Variants in GPR137B observed in about 807,000 individuals in gnomAD.
GPR137B encodes the protein integral membrane protein GPR137B.
A neutral mutation model predicts 42.5 loss-of-function variants in GPR137B; 42 were observed. The observed-to-expected ratio is 0.99, with a 90% CI of 0.77 to 1.28. GPR137B has a LOEUF of 1.28. GPR137B is among the 50% of genes most tolerant of loss of function. GPR137B has a pLI of 0.00. For synonymous variants in GPR137B, 218 were observed against 209.7 expected (o/e 1.04, Z -0.34); for missense variants, 487 against 493.9 (o/e 0.99, Z 0.13).
At position 236,156,995 on chromosome 1, in the gene GPR137B, G is replaced by T. The variant is rs546458953; in HGVS notation, c.415-11711G>T. On this transcript the variant is annotated intron_variant, in intron 1 of 6. Transcript: ENST00000366592. The surrounding 1 kb of genome is among the most constrained non-coding windows in gnomAD (Gnocchi z 4.8). Reference sequence around the variant, plus strand: ...AGGACTAATAATACCAACAGCAGGGGTTGCAGCCACCCACGTGGTACTTAC... The same window carrying T: ...AGGACTAATAATACCAACAGCAGGGTTTGCAGCCACCCACGTGGTACTTAC... Among the ~76,000 whole-genome samples, 1 of 152,296 alleles carries T rather than the reference G, an allele frequency of 6.6e-6. No homozygotes were observed. Among genetic ancestry groups the T allele is most frequent in the East Asian group, 1.9e-4 (1 of 5,190 alleles).
intron 1 of GPR137B, among the ~76,000 whole-genome samples, chr1:236,152,298 C>T (rs1453777272): frequency 6.6e-6 from 1 of 151,592 alleles, no homozygotes; most frequent in African/African-American, 2.4e-5. Flanking sequence ...CTCATCTGTA[C>T]AAAAAATTAA....
At position 236,178,502 on chromosome 1, in the gene GPR137B, T is replaced by TGGGAGA; in HGVS notation, c.556_561dup (p.Glu186_Arg187dup). ...TGCTGTGCTGGTAAAGACGGGAAAT[T>TGGGAGA]GGGAGAGGAAGGTTATCGTCTCTGT... On this transcript the variant is annotated inframe_insertion, in exon 3 of 7. Coordinates refer to ENST00000366592, the MANE Select transcript of GPR137B (RefSeq NM_003272.4). 6.2e-7 allele frequency: 1 copy of TGGGAGA among 1,613,724 alleles called. No individual in the cohort carries two copies.
Position 236,161,774 on chromosome 1 carries a change from G to A in GPR137B, c.415-6932G>A, listed in dbSNP as rs115086878. 2.0e-3 allele frequency among the ~76,000 whole-genome samples: 305 copies of A among 152,042 alleles called. 2 individuals are homozygous for A. The highest frequency in any genetic ancestry group is 7.0e-3 in the African/African-American group (290 of 41,466). ...TCCTCATTTTTTTTCTCTTGCCGCCGCCATGTAAGAAATGCCTTTTGCCTC... is the reference window on the plus strand; with the variant it reads ...TCCTCATTTTTTTTCTCTTGCCGCCACCATGTAAGAAATGCCTTTTGCCTC... On this transcript the variant is annotated intron_variant, in intron 1 of 6. Transcript: ENST00000366592.
Position 236,208,783 on chromosome 1 carries a change from TAA to T in GPR137B, c.*626_*627del, listed in dbSNP as rs1186406391. 1 of 985,196 alleles carries T rather than the reference TAA, an allele frequency of 1.0e-6. No individual in the cohort carries two copies. The highest frequency in any genetic ancestry group is 1.7e-5 in the African/African-American group (1 of 57,214). The allele number at this position is 985,196 out of a possible 1,614,324, so 61.0% of individuals were successfully genotyped here. A position where few individuals can be genotyped will look rare whatever the true frequency, so the allele number is the denominator to read the frequency against. ...GCCGTAGGTTCCTCAAGGAATCTCT[TAA>T]GTTTTGCCCAAAGACTGGTACTTCC... On this transcript the variant is annotated 3_prime_UTR_variant, in exon 7 of 7. Coordinates refer to ENST00000366592, the MANE Select transcript of GPR137B (RefSeq NM_003272.4).
chr1:236,166,182 C>A (rs1288331589), intron 1 of GPR137B, among the ~76,000 whole-genome samples: 3 of 152,164 alleles, frequency 2.0e-5, no homozygotes, highest in Non-Finnish European at 4.4e-5. Context: ...TCCCTCAGGA[C>A]TGTTTAACAG....
chr1:236,187,107 G>A (rs1173055873), intron 5 of GPR137B, among the ~76,000 whole-genome samples: 1 of 152,106 alleles, frequency 6.6e-6, no homozygotes, highest in African/African-American at 2.4e-5. Flanking sequence ...CCAGTGATGA[G>A]CATATTTTTC....
chr1:236,182,883 A>G (rs969704994), intron 4 of GPR137B, among the ~76,000 whole-genome samples: 15 of 152,210 alleles, frequency 9.9e-5, no homozygotes, highest in Admixed American at 7.9e-4. Flanking sequence ...CAAGCAAAAC[A>G]AATGACCACA....
intron 1 of GPR137B, among the ~76,000 whole-genome samples, chr1:236,163,004 CACAG>C (rs1662243377): frequency 6.6e-6 from 1 of 152,190 alleles, no homozygotes; most frequent in Non-Finnish European, 1.5e-5. Context: ...CTGGAAAAGC[CACAG>C]ACACTCAACA....
intron 2 of GPR137B, among the ~76,000 whole-genome samples, chr1:236,177,483 G>C (rs1662721290): frequency 6.6e-6 from 1 of 152,046 alleles, no homozygotes; most frequent in African/African-American, 2.4e-5. Context: ...GAAACTACAG[G>C]TTAAAAATGG....
In GPR137B at chr1:236,205,279, C is replaced by G. The variant is rs757572633; in HGVS notation, c.1091+29C>G. On this transcript the variant is annotated intron_variant, in intron 6 of 6. Transcript: ENST00000366592. The stretch of plus-strand genomic sequence containing the variant: ...AGACCCTACTTCATGTTAGACAAGC[C>G]TCATCAGGAGGGAAGGGTTACACCA... The G allele has an allele frequency of 1.3e-5, 20 of 1,597,010 alleles. 1 individual carries two copies. In the South Asian group the frequency reaches 2.0e-4, roughly 16 times the overall value.
At chr1:236,168,419 G>A (rs946209938) in intron 1 of GPR137B, among the ~76,000 whole-genome samples, 42 of 136,338 alleles carry the variant, frequency 3.1e-4, no homozygotes, top group Admixed American at 9.2e-4. Flanking sequence ...GTGAAATTCT[G>A]TCTCGAAAAA....
At chr1:236,149,370 A>G (rs1163892724) in intron 1 of GPR137B, among the ~76,000 whole-genome samples, 1 of 152,304 alleles carries the variant, frequency 6.6e-6, no homozygotes, top group East Asian at 1.9e-4. Flanking sequence ...AGGCGTGCAG[A>G]GGCAGGACAA....
At chr1:236,152,871 C>T (rs1661909473) in intron 1 of GPR137B, among the ~76,000 whole-genome samples, 1 of 151,816 alleles carries the variant, frequency 6.6e-6, no homozygotes, top group African/African-American at 2.4e-5. Flanking sequence ...GCCTGGCCAA[C>T]ATGGTGAAAC....
intron 2 of GPR137B, among the ~76,000 whole-genome samples, chr1:236,173,734 G>A (rs1162362811): frequency 6.7e-6 from 1 of 150,146 alleles, no homozygotes; most frequent in Middle Eastern, 3.2e-3. Flanking sequence ...TTAAAAGGCA[G>A]TAGTATTGGG....
At chr1:236,191,150 A>G (rs1663180956) in intron 5 of GPR137B, among the ~76,000 whole-genome samples, 1 of 151,988 alleles carries the variant, frequency 6.6e-6, no homozygotes, top group South Asian at 2.1e-4. Flanking sequence ...ATACTTGTGT[A>G]TGCTTCACGA....
At chr1:236,187,181 G>T (rs1326747324) in intron 5 of GPR137B, among the ~76,000 whole-genome samples, 1 of 152,020 alleles carries the variant, frequency 6.6e-6, no homozygotes, top group African/African-American at 2.4e-5. Context: ...CTTTTTGATG[G>T]GGTTGTTTTT....
rs1312911392 is a variant in GPR137B, at chr1:236,142,544, C to T, written c.-79C>T. On this transcript the variant is annotated 5_prime_UTR_variant, in exon 1 of 7. Coordinates refer to ENST00000366592, the MANE Select transcript of GPR137B (RefSeq NM_003272.4). ...CGGGGGAGGAAGTGCGGCTTGTTTT[C>T]TTTCCTCCAGTCTCGGGGCTGCAGG... The T allele has an allele frequency of 5.7e-5, 43 of 749,772 alleles. No homozygotes were observed. The highest frequency in any genetic ancestry group is 7.5e-5 in the Non-Finnish European group (41 of 543,778). The allele number at this position is 749,772 out of a possible 1,614,324, so 46.4% of individuals were successfully genotyped here.
intron 4 of GPR137B, among the ~76,000 whole-genome samples, chr1:236,182,324 A>T (rs532709788): frequency 6.6e-6 from 1 of 152,358 alleles, no homozygotes; most frequent in Non-Finnish European, 1.5e-5. Flanking sequence ...TAAATAACAA[A>T]GATTTGGGTT....
intron 2 of GPR137B, among the ~76,000 whole-genome samples, chr1:236,175,375 A>G (rs934547154): frequency 1.3e-5 from 2 of 152,132 alleles, no homozygotes; most frequent in African/African-American, 4.8e-5. Flanking sequence ...GTGGCCCCGC[A>G]CAGTTCAAAC....
Sources: gnomAD v4.1 joint callset for allele counts (sites outside exome capture counted in the v4.1 genomes callset) on GRCh38, gnomAD v4.1.1 for gene constraint, Gnocchi (gnomAD v3.1) non-coding constraint, MANE v1.5 for transcripts, NCBI Gene and HGNC (gene_info 2026-07-23, HGNC 2026-07-21) for gene names.